MTUS2: variants seen among roughly 807,000 people sequenced by gnomAD.
MTUS2 encodes microtubule associated scaffold protein 2.
Under a neutral mutation model 114.1 loss-of-function variants are expected in MTUS2, and 40 were observed. The observed-to-expected ratio is 0.35, with a 90% CI of 0.27 to 0.46. The LOEUF is 0.46. Ranked by LOEUF, MTUS2 falls within the 20% of genes least tolerant of loss-of-function variation. The pLI is 1.00. For synonymous variants in MTUS2, 688 were observed against 672.0 expected, an observed-to-expected ratio of 1.02 and a Z score of -0.37; for missense variants, 1,679 against 1,705.4, an observed-to-expected ratio of 0.98 and a Z score of 0.27.
At chr13:28,843,601 A>C (rs959364949) in intron 2 of MTUS2, among the ~76,000 whole-genome samples, 2 of 152,208 alleles carry the variant, frequency 1.3e-5, no homozygotes, top group African/African-American at 4.8e-5. Context: ...TAAATGTCAC[A>C]TGGGCAATTC....
At chr13:28,966,476 C>T (rs1388570244) in intron 2 of MTUS2, among the ~76,000 whole-genome samples, 3 of 152,018 alleles carry the variant, frequency 2.0e-5, no homozygotes, top group East Asian at 3.9e-4. Flanking sequence ...AATCCAAGCA[C>T]GTTGTGGGGG....
intron 2 of MTUS2, among the ~76,000 whole-genome samples, chr13:28,907,690 C>G (rs1038179187): frequency 3.3e-5 from 5 of 151,534 alleles, no homozygotes; most frequent in Non-Finnish European, 7.4e-5. Context: ...ATCAATTCAA[C>G]AAAAAGAGCT....
intron 5 of MTUS2, among the ~76,000 whole-genome samples, chr13:29,191,446 G>A (rs1894445544): frequency 6.6e-6 from 1 of 152,106 alleles, no homozygotes; most frequent in Non-Finnish European, 1.5e-5. Context: ...GTCTCCCTGG[G>A]CTCCACATAA....
At chr13:29,170,436 C>G (rs1296168051) in intron 5 of MTUS2, among the ~76,000 whole-genome samples, 1 of 152,152 alleles carries the variant, frequency 6.6e-6, no homozygotes, top group South Asian at 2.1e-4. Context: ...TAGTAACAGG[C>G]CACTTTTTAT....
In MTUS2 at chr13:29,313,489, C is replaced by T. The variant is rs111232482; in HGVS notation, c.2807-11124C>T. ...GAGTGTGATGTGCATGGGAGATATC[C>T]GAAGAGAAACATTCATCTATAGGTT... is the stretch of plus-strand genomic sequence containing the variant. On this transcript the variant is annotated intron_variant, in intron 6 of 15. Coordinates refer to ENST00000612955, the MANE Select transcript of MTUS2 (RefSeq NM_001033602.4). 6.2e-3 allele frequency among the ~76,000 whole-genome samples: 941 copies of T among 151,694 alleles called. 13 individuals are homozygous for T. Among genetic ancestry groups the T allele is most frequent in the African/African-American group, 0.022 (895 of 41,344 alleles).
chr13:29,044,870 G>A (rs1384082363), intron 4 of MTUS2, among the ~76,000 whole-genome samples: 1 of 152,126 alleles, frequency 6.6e-6, no homozygotes, highest in African/African-American at 2.4e-5. Context: ...AGTCATTTAG[G>A]TTGTTGGTAG....
rs781645641 is a variant in MTUS2, at chr13:29,281,879, C to G, written c.2806+14C>G. Reference sequence around the variant, plus strand: ...CCACACCCGCTGGTAAGACTTTGTGCCTTGGAGAGGCTCCATGGTGGAGTG... The same window carrying G: ...CCACACCCGCTGGTAAGACTTTGTGGCTTGGAGAGGCTCCATGGTGGAGTG... On this transcript the variant is annotated intron_variant, in intron 6 of 15. Transcript: ENST00000612955. 28 of 1,567,692 alleles carry G rather than the reference C, an allele frequency of 1.8e-5. No individual in the cohort carries two copies. In the African/African-American group the frequency reaches 3.3e-4, roughly 18 times the overall value.
chr13:29,320,629 G>C (rs1486293268), intron 6 of MTUS2, among the ~76,000 whole-genome samples: 1 of 152,236 alleles, frequency 6.6e-6, no homozygotes, highest in African/African-American at 2.4e-5. Flanking sequence ...ACACCATGGA[G>C]TTGGGACTTC....
chr13:28,994,961 C>T (rs1306610168), intron 2 of MTUS2, among the ~76,000 whole-genome samples: 1 of 151,844 alleles, frequency 6.6e-6, no homozygotes, highest in African/African-American at 2.4e-5. Context: ...GTGTTTTAGA[C>T]ATGAAGTCCT....
At chr13:28,943,286 C>G (rs1279008649) in intron 2 of MTUS2, among the ~76,000 whole-genome samples, 2 of 152,176 alleles carry the variant, frequency 1.3e-5, no homozygotes, top group Non-Finnish European at 2.9e-5. Context: ...ATTGGATAAA[C>G]ATTTACTGAG....
At chr13:29,347,499 T>A (rs570280851) in intron 7 of MTUS2, among the ~76,000 whole-genome samples, 1 of 152,156 alleles carries the variant, frequency 6.6e-6, no homozygotes, top group East Asian at 1.9e-4. Context: ...TAACTTGTAA[T>A]TCTTTGGTTG....
chr13:28,949,756 G>A (rs1882718030), intron 2 of MTUS2, among the ~76,000 whole-genome samples: 1 of 152,070 alleles, frequency 6.6e-6, no homozygotes, highest in Non-Finnish European at 1.5e-5. Context: ...ATGCCCCCAA[G>A]GTTCATCCAT....
At chr13:29,436,991 T>C (rs1218237287) in intron 8 of MTUS2, among the ~76,000 whole-genome samples, 2 of 152,168 alleles carry the variant, frequency 1.3e-5, no homozygotes, top group African/African-American at 4.8e-5. Context: ...GTCAGCGCCA[T>C]ACCGAAGAGG....
chr13:29,389,818 CATACATATGTGT>C lies in MTUS2; in HGVS notation c.3117+30349_3117+30360del, dbSNP rs1873186350. On this transcript the variant is annotated intron_variant, in intron 8 of 15. Coordinates refer to ENST00000612955, the MANE Select transcript of MTUS2 (RefSeq NM_001033602.4). ...ATATACATACATATGTGTATATATACATACATATGTGTATATATACATACATATGTGTATATA... is the reference window on the plus strand; with the variant it reads ...ATATACATACATATGTGTATATATACATATATACATACATATGTGTATATA... Among the ~76,000 whole-genome samples the C allele has an allele frequency of 1.0e-4, 5 of 49,782 alleles. 2 individuals carry two copies. The highest frequency in any genetic ancestry group is 4.7e-4 in the African/African-American group (5 of 10,568). The allele number at this position is 49,782 out of a possible 152,430, so 32.7% of individuals were successfully genotyped here.
At chr13:29,309,038 G>A (rs766917515) in intron 6 of MTUS2, among the ~76,000 whole-genome samples, 2 of 152,068 alleles carry the variant, frequency 1.3e-5, no homozygotes, top group Non-Finnish European at 2.9e-5. Context: ...AAGACCTAGA[G>A]GCAGAAATAC....
rs542157233 is a variant in MTUS2 at position 29,000,524 on chromosome 13, G to A, written c.-242-23933G>A. Among the ~76,000 whole-genome samples, 12 of 151,790 alleles carry A rather than the reference G, an allele frequency of 7.9e-5. No homozygotes were observed. The East Asian group carries it at 1.4e-3, about 17-fold the overall frequency. On this transcript the variant is annotated intron_variant, in intron 2 of 15. Transcript: ENST00000612955. The stretch of plus-strand genomic sequence containing the variant: ...ATTATAGGTGCACGCCACCACACCC[G>A]GGTAATTTTTTTTGTAGTTTTGGTA...
intron 9 of MTUS2, among the ~76,000 whole-genome samples, chr13:29,478,732 G>A (rs1880910117): frequency 6.6e-6 from 1 of 152,032 alleles, no homozygotes; most frequent in Admixed American, 6.5e-5. Flanking sequence ...GCCCTCGGTG[G>A]GCCCTGATTG....
At chr13:29,307,320 C>T (rs950370140) in intron 6 of MTUS2, 1 of 681,360 alleles carries the variant, frequency 1.5e-6, no homozygotes, top group Non-Finnish European at 2.7e-6. Flanking sequence ...TCCATGCTGT[C>T]CCTGCCACCC....
At position 29,488,024 on chromosome 13, in the gene MTUS2, T is replaced by G; in HGVS notation, c.3505+19T>G. ...GTCCAAGGTAGCTCCCAGCCTCGTG[T>G]GCAGCAGGCAGGGGTGGGTGGTGCA... On this transcript the variant is annotated intron_variant, in intron 11 of 15. Coordinates refer to ENST00000612955, the MANE Select transcript of MTUS2 (RefSeq NM_001033602.4). The G allele has an allele frequency of 6.3e-7, 1 of 1,591,050 alleles. No homozygotes were observed. The highest frequency in any genetic ancestry group is 1.7e-5 in the Admixed American group (1 of 60,008).
Sources: gnomAD v4.1 joint callset for allele counts (sites outside exome capture counted in the v4.1 genomes callset) on GRCh38, gnomAD v4.1.1 for gene constraint, MANE v1.5 for transcripts, NCBI Gene and HGNC (gene_info 2026-07-23, HGNC 2026-07-21) for gene names.